The following PIEZO2 variants were observed in gnomAD, a reference collection of about 807,000 sequenced individuals.
The protein encoded by PIEZO2 is piezo-type mechanosensitive ion channel component 2.
Under a neutral mutation model 337.3 loss-of-function variants are expected in PIEZO2, and 172 were observed. The observed-to-expected ratio is 0.51, with a 90% CI of 0.45 to 0.58. PIEZO2 has a LOEUF of 0.58. Among genes scored for constraint, PIEZO2 ranks in the 20% least tolerant of loss-of-function variants. The pLI, the probability that PIEZO2 is intolerant of heterozygous loss-of-function variation, is 0.00. For missense variants in PIEZO2, 3,028 were observed against 3,391.3 expected (o/e 0.89, Z 2.66); for synonymous variants, 1,251 against 1,228.5 (o/e 1.02, Z -0.38).
chr18:10,799,038 G>C (rs2039711280), intron 11 of PIEZO2, among the ~76,000 whole-genome samples: 1 of 152,170 alleles, frequency 6.6e-6, no homozygotes, highest in Non-Finnish European at 1.5e-5. Flanking sequence ...CAGATAATAT[G>C]ACTAACCAGT....
chr18:10,932,929 A>G (rs1262482772), intron 3 of PIEZO2, among the ~76,000 whole-genome samples: 1 of 151,700 alleles, frequency 6.6e-6, no homozygotes, highest in Non-Finnish European at 1.5e-5. Flanking sequence ...TTCTCTAAAA[A>G]AGGTAAAAAA....
chr18:10,861,155 T>G lies in PIEZO2; in HGVS notation c.493-3944A>C, dbSNP rs2041862096. On this transcript the variant is annotated intron_variant, in intron 5 of 55. Transcript: ENST00000674853. The surrounding 1 kb of genome is among the most constrained non-coding windows in gnomAD (Gnocchi z 4.3). ...CATGGACTCACTCTCGCATGTTTAC[T>G]AACAGGCAGTCTTGCTTGCTGGAGC... is the stretch of plus-strand genomic sequence containing the variant. 6.6e-6 allele frequency among the ~76,000 whole-genome samples: 1 copy of G among 152,362 alleles called. No individual in the cohort carries two copies. The highest frequency in any genetic ancestry group is 2.1e-4 in the South Asian group (1 of 4,828).
At position 10,730,683 on chromosome 18, in the gene PIEZO2, C is replaced by T. The variant is rs372794961; in HGVS notation, c.5029+724G>A. On this transcript the variant is annotated intron_variant, in intron 36 of 55. Transcript: ENST00000674853. ...TCTGAGTGTTGTTTAAGTGTGCTTT[C>T]CCTTTTTTCTTGATTAAATTGCCAA... Among the ~76,000 whole-genome samples, 6 of 152,068 alleles carry T rather than the reference C, an allele frequency of 3.9e-5. No individual in the cohort carries two copies. The East Asian group carries it at 1.2e-3, about 29-fold the overall frequency.
chr18:11,027,782 A>T lies in PIEZO2; in HGVS notation c.160+38345T>A, dbSNP rs1250300989. Among the ~76,000 whole-genome samples, 1 of 152,130 alleles carries T rather than the reference A, an allele frequency of 6.6e-6. No homozygotes were observed. Among genetic ancestry groups the T allele is most frequent in the Non-Finnish European group, 1.5e-5 (1 of 68,044 alleles). On this transcript the variant is annotated intron_variant, in intron 2 of 55. Transcript: ENST00000674853. This position sits in a 1 kb window ranked among gnomAD's most constrained non-coding sequence, Gnocchi z 4.2. Reference sequence around the variant, plus strand: ...CCAGGATTCATAGTGATCTTGATCTATCATTTAGCGTTTCAGTTCAATACT... The same window carrying T: ...CCAGGATTCATAGTGATCTTGATCTTTCATTTAGCGTTTCAGTTCAATACT...
At position 10,873,585 on chromosome 18, in the gene PIEZO2, G is replaced by A. The variant is rs187634103; in HGVS notation, c.330-2170C>T. ...ATTAACATTTTTACAACTCATTGAT[G>A]ATTTATTTTTATATATCATCATACT... On this transcript the variant is annotated intron_variant, in intron 4 of 55. Coordinates refer to ENST00000674853, the MANE Select transcript of PIEZO2 (RefSeq NM_001378183.1). 4.6e-3 allele frequency among the ~76,000 whole-genome samples: 698 copies of A among 150,696 alleles called. 4 individuals are homozygous for A. The highest frequency in any genetic ancestry group is 0.017 in the African/African-American group (670 of 40,386).
Position 10,773,638 on chromosome 18 carries a change from A to C in PIEZO2, c.2568-9T>G. ...CTTCCGGGTGGGCCAGTCTGTTGGC[A>C]GAGAGCAGCTGAGTCAGAAGAGGAA... On this transcript the variant is annotated splice_polypyrimidine_tract_variant and intron_variant, in intron 19 of 55. Coordinates refer to ENST00000674853, the MANE Select transcript of PIEZO2 (RefSeq NM_001378183.1). The surrounding 1 kb of genome is among the most constrained non-coding windows in gnomAD (Gnocchi z 5.3). 6.5e-7 allele frequency: 1 copy of C among 1,537,092 alleles called. No individual in the cohort carries two copies. Among genetic ancestry groups the C allele is most frequent in the Non-Finnish European group, 8.7e-7 (1 of 1,146,820 alleles).
Position 10,761,000 on chromosome 18 carries a change from G to T in PIEZO2, c.3361C>A (p.His1121Asn). Residue 1121 changes from histidine (H) to asparagine (N), a missense_variant, in exon 24 of 56, where the codon CAT becomes AAT. By Grantham distance (68) the His-to-Asn change is moderately conservative (BLOSUM62 1). Around this residue, in one of 5 missense-constraint regions of PIEZO2, gnomAD observed 1,925 missense variants for 2,051.9 expected, o/e 0.94. Coordinates refer to ENST00000674853, the MANE Select transcript of PIEZO2 (RefSeq NM_001378183.1). ...TCTAGATGTAGTCTTGTAATGTCAT[G>T]AAAGATAGTTCTAGACACAGGGGCC... is the stretch of plus-strand genomic sequence containing the variant. ...LTAPVSRTIF[H>N]DITRLHLDDG... The T allele has an allele frequency of 6.5e-7, 1 of 1,534,710 alleles. No homozygotes were observed. Among genetic ancestry groups the T allele is most frequent in the South Asian group, 1.2e-5 (1 of 84,000 alleles).
At chr18:10,809,260 C>CTTTTTTTTTTTTTT (rs869210659) in intron 7 of PIEZO2, among the ~76,000 whole-genome samples, 6 of 65,834 alleles carry the variant, frequency 9.1e-5, no homozygotes, top group African/African-American at 2.4e-4. Context: ...CTCTCTCTCT[C>CTTTTTTTTTTTTTT]TTTTTTTTTT....
rs532880435 is a variant in PIEZO2, at chr18:10,719,073, A to G, written c.5030-814T>C. On this transcript the variant is annotated intron_variant, in intron 36 of 55. Transcript: ENST00000674853. ...AAAATGGTTGTCATATCTTAAAATG[A>G]CATTATAGGATTTCATTTCATTTCA... Among the ~76,000 whole-genome samples the G allele has an allele frequency of 1.2e-4, 19 of 152,236 alleles. 1 individual carries two copies. Among genetic ancestry groups the G allele is most frequent in the Admixed American group, 9.2e-4 (14 of 15,296 alleles).
At chr18:10,933,017 G>C (rs932269639) in intron 3 of PIEZO2, among the ~76,000 whole-genome samples, 1 of 152,144 alleles carries the variant, frequency 6.6e-6, no homozygotes, top group African/African-American at 2.4e-5. Context: ...GCACAACAGA[G>C]TGGAGGAAAG....
chr18:11,114,692 G>T (rs2039836178), intron 1 of PIEZO2, among the ~76,000 whole-genome samples: 1 of 151,820 alleles, frequency 6.6e-6, no homozygotes, highest in Admixed American at 6.6e-5. Context: ...CAGTTGGGGT[G>T]CTTTTCCCCC....
chr18:10,926,097 G>A lies in PIEZO2; in HGVS notation c.287-14869C>T, dbSNP rs145727064. 6.4e-4 allele frequency among the ~76,000 whole-genome samples: 97 copies of A among 152,316 alleles called. No homozygotes were observed. The East Asian group carries it at 0.015, about 24-fold the overall frequency. ...GTTTGCATTCCAGGGGAGAGCACTG[G>A]ATGGTGAGAAAGCTACAGAAAACTA... is the stretch of plus-strand genomic sequence containing the variant. On this transcript the variant is annotated intron_variant, in intron 3 of 55. Transcript: ENST00000674853.
chr18:11,114,757 G>A (rs942254353), intron 1 of PIEZO2, among the ~76,000 whole-genome samples: 1 of 152,032 alleles, frequency 6.6e-6, no homozygotes, highest in African/African-American at 2.4e-5. Flanking sequence ...TAACAGGACG[G>A]GATAGAGAAA....
intron 4 of PIEZO2, among the ~76,000 whole-genome samples, chr18:10,874,917 A>G (rs1483243084): frequency 1.3e-5 from 2 of 152,198 alleles, no homozygotes; most frequent in Non-Finnish European, 2.9e-5. Context: ...GGATGACTAT[A>G]TTATTAATAA....
At chr18:10,825,948 T>G (rs911001264) in intron 7 of PIEZO2, among the ~76,000 whole-genome samples, 1 of 152,240 alleles carries the variant, frequency 6.6e-6, no homozygotes. Flanking sequence ...TCTTCCATTT[T>G]GGACAGAATT....
rs2034315609 is a variant in PIEZO2 at position 10,973,303 on chromosome 18, T to A, written c.286+6232A>T. On this transcript the variant is annotated intron_variant, in intron 3 of 55. Coordinates refer to ENST00000674853, the MANE Select transcript of PIEZO2 (RefSeq NM_001378183.1). This position sits in a 1 kb window ranked among gnomAD's most constrained non-coding sequence, Gnocchi z 4.9. ...TGTGTATTCATTACTCCAAGAGCGT[T>A]GACTCCATCAGATATTGGGCTACAA... Among the ~76,000 whole-genome samples the A allele has an allele frequency of 6.6e-6, 1 of 152,212 alleles. No individual in the cohort carries two copies. Among genetic ancestry groups the A allele is most frequent in the African/African-American group, 2.4e-5 (1 of 41,456 alleles).
intron 2 of PIEZO2, among the ~76,000 whole-genome samples, chr18:11,042,051 C>T (rs1197500075): frequency 6.6e-6 from 1 of 152,202 alleles, no homozygotes; most frequent in East Asian, 1.9e-4. Flanking sequence ...AATCATCTCT[C>T]TGGTAAAAAT....
At chr18:11,100,949 AC>A (rs760742466) in intron 1 of PIEZO2, among the ~76,000 whole-genome samples, 3 of 152,206 alleles carry the variant, frequency 2.0e-5, no homozygotes, top group Non-Finnish European at 4.4e-5. Context: ...CTGGGGTCAT[AC>A]GAAGAAGGGC....
At chr18:10,791,516 TC>T in intron 13 of PIEZO2, 192 bp from the exon 14 acceptor site, 1 of 508,818 alleles carries the variant, frequency 2.0e-6, no homozygotes, top group Admixed American at 4.6e-5. Context: ...CCGAGGATGC[TC>T]CCATGTTTGT....
Sources: gnomAD v4.1 joint callset for allele counts (sites outside exome capture counted in the v4.1 genomes callset) on GRCh38, gnomAD v4.1.1 for gene constraint, gnomAD v4.1.1 regional missense constraint, Gnocchi (gnomAD v3.1) non-coding constraint, MANE v1.5 for transcripts, NCBI Gene and HGNC (gene_info 2026-07-23, HGNC 2026-07-21) for gene names.